Variants in C5AR1 observed in about 807,000 individuals in gnomAD.
C5AR1 encodes the protein complement C5a receptor 1, also known as C5a anaphylatoxin chemotactic receptor 1.
C5AR1 carries 4 observed loss-of-function variants against 2.4 expected under a neutral mutation model. That is an observed-to-expected ratio of 1.65 (90% CI 0.81 to 3.77). C5AR1 has a LOEUF of 3.77. C5AR1 is among the 30% of genes most tolerant of loss of function. The probability of loss-of-function intolerance (pLI) is 0.01; values close to 1 mark genes in which losing one functional copy is unlikely to be tolerated. For missense variants in C5AR1, 418 were observed against 462.5 expected (o/e 0.90, Z 0.88); for synonymous variants, 209 against 210.4 (o/e 0.99, Z 0.06).
Position 47,310,354 on chromosome 19 carries a change from T to TA in C5AR1, c.3+456_3+457insA, listed in dbSNP as rs113869483. ...AGTGAGACCCTGTCTGTATTTTTTTTTTTATTTAAAGAATTCCACAAGTGA... is the reference window on the plus strand; with the variant it reads ...AGTGAGACCCTGTCTGTATTTTTTTTATTTATTTAAAGAATTCCACAAGTGA... On this transcript the variant is annotated intron_variant, in intron 1 of 1. Transcript: ENST00000355085. Among the ~76,000 whole-genome samples, 448 of 152,238 alleles carry TA rather than the reference T, an allele frequency of 2.9e-3. 4 individuals are homozygous for TA. The highest frequency in any genetic ancestry group is 0.01 in the African/African-American group (417 of 41,546).
chr19:47,320,044 G>C lies in C5AR1; in HGVS notation c.267G>C (p.Leu89=). 6.2e-7 allele frequency: 1 copy of C among 1,614,184 alleles called. No homozygotes were observed. The highest frequency in any genetic ancestry group is 8.5e-7 in the Non-Finnish European group (1 of 1,180,048). Residue 89 remains leucine, a synonymous_variant, in exon 2 of 2, where the codon CTG becomes CTC. Coordinates refer to ENST00000355085, the MANE Select transcript of C5AR1 (RefSeq NM_001736.4). The surrounding 1 kb of genome is among the most constrained non-coding windows in gnomAD (Gnocchi z 4.9). ...AVADFLSCLA[L]PILFTSIVQH... ...CCGACTTCCTCTCCTGCCTGGCGCT[G>C]CCCATCTTGTTCACGTCCATTGTAC...
At chr19:47,307,939 G>A (rs1027837725), upstream of C5AR1, among the ~76,000 whole-genome samples, 8 of 151,978 alleles carry the variant, frequency 5.3e-5, no homozygotes, top group Non-Finnish European at 8.8e-5. Flanking sequence ...CCCAGGCCGG[G>A]CGCAGTGGCT....
chr19:47,319,737 A>T (rs779694046), intron 1 of C5AR1, 44 bp from the exon 2 acceptor site: 6 of 1,312,142 alleles, frequency 4.6e-6, no homozygotes, highest in African/African-American at 1.5e-5. Context: ...ACCCGGGCAC[A>T]TGTCTGCAGA....
At chr19:47,319,588 C>T (rs777700603) in intron 1 of C5AR1, among the ~76,000 whole-genome samples, 193 bp from the exon 2 acceptor site, 23 of 152,172 alleles carry the variant, frequency 1.5e-4, no homozygotes, top group African/African-American at 3.6e-4. Flanking sequence ...GGATGACAGG[C>T]GTGAGCTACG....
chr19:47,311,293 C>T (rs2059269597), intron 1 of C5AR1, among the ~76,000 whole-genome samples: 2 of 152,076 alleles, frequency 1.3e-5, no homozygotes, highest in South Asian at 4.1e-4. Context: ...GGGCGGATCA[C>T]AAGGTCAGGA....
intron 1 of C5AR1, among the ~76,000 whole-genome samples, chr19:47,310,432 G>A (rs1599728383): frequency 6.6e-6 from 1 of 152,296 alleles, no homozygotes; most frequent in Admixed American, 6.5e-5. Context: ...AAAATGTTGG[G>A]AGGCTGGAAA....
At chr19:47,315,486 G>A (rs746667819) in intron 1 of C5AR1, among the ~76,000 whole-genome samples, 1 of 152,182 alleles carries the variant, frequency 6.6e-6, no homozygotes, top group Admixed American at 6.6e-5. Context: ...CAGAGGGTGG[G>A]GAGGCTCCCC....
In C5AR1 at chr19:47,320,905, C is replaced by T. The variant is rs1053011798; in HGVS notation, c.*75C>T. 2.2e-6 allele frequency: 3 copies of T among 1,349,932 alleles called. No individual in the cohort carries two copies. The East Asian group carries it at 7.1e-5, about 32-fold the overall frequency. The allele number at this position is 1,349,932 out of a possible 1,614,324, so 83.6% of individuals were successfully genotyped here. A position where few individuals can be genotyped will look rare whatever the true frequency, so the allele number is the denominator to read the frequency against. On this transcript the variant is annotated 3_prime_UTR_variant, in exon 2 of 2. Coordinates refer to ENST00000355085, the MANE Select transcript of C5AR1 (RefSeq NM_001736.4). This position sits in a 1 kb window ranked among gnomAD's most constrained non-coding sequence, Gnocchi z 4.9. ...CATTCTCCCTCTTGTTTTCACTTCACTTTTCGTGGGATGGTGTTACCTTAG... is the reference window on the plus strand; with the variant it reads ...CATTCTCCCTCTTGTTTTCACTTCATTTTTCGTGGGATGGTGTTACCTTAG...
chr19:47,313,490 T>C (rs902990587), intron 1 of C5AR1, among the ~76,000 whole-genome samples: 5 of 150,494 alleles, frequency 3.3e-5, no homozygotes. Flanking sequence ...GGCTCATGCC[T>C]GTAATCCCAG....
At chr19:47,319,683 G>A in intron 1 of C5AR1, 98 bp from the exon 2 acceptor site, 1 of 752,014 alleles carries the variant, frequency 1.3e-6, no homozygotes, top group Non-Finnish European at 2.3e-6. Context: ...GTGAGAAAAA[G>A]CCACACAGGG....
At position 47,319,907 on chromosome 19, in the gene C5AR1, T is replaced by C. The variant is rs200740207; in HGVS notation, c.130T>C (p.Phe44Leu). Residue 44 changes from phenylalanine to leucine, a missense_variant, in exon 2 of 2, where the codon TTT becomes CTT. Phe to Leu is a conservative substitution (Grantham distance 22, BLOSUM62 0). Transcript: ENST00000355085. ...TCCAGACATCCTGGCCTTGGTCATC[T>C]TTGCAGTCGTCTTCCTGGTGGGAGT... ...RVPDILALVIFAVVFLVGVLG... is the reference protein window; with the variant it reads ...RVPDILALVILAVVFLVGVLG... 422 of 1,614,150 alleles carry C rather than the reference T, an allele frequency of 2.6e-4. 1 individual carries two copies. Among genetic ancestry groups the C allele is most frequent in the Non-Finnish European group, 3.4e-4 (405 of 1,180,064 alleles).
chr19:47,309,988 C>CG, intron 1 of C5AR1, 90 bp downstream of exon 1: 1 of 1,331,456 alleles, frequency 7.5e-7, no homozygotes, highest in South Asian at 1.2e-5. Context: ...CCCCAACTCT[C>CG]GCCGTCAACT....
chr19:47,309,039 T>A (rs1476926322), upstream of C5AR1, among the ~76,000 whole-genome samples: 1 of 152,092 alleles, frequency 6.6e-6, no homozygotes, highest in Non-Finnish European at 1.5e-5. Context: ...CCTCCCAAAG[T>A]GCTGGGATTA....
intron 1 of C5AR1, among the ~76,000 whole-genome samples, chr19:47,317,192 CA>C (rs1238972530): frequency 0.075 from 5,552 of 74,108 alleles, 146 homozygotes; most frequent in South Asian, 0.19. Flanking sequence ...GACCCCGTCT[CA>C]AAAAAAAAAA....
chr19:47,309,344 G>T (rs1439552182), upstream of C5AR1, among the ~76,000 whole-genome samples: 1 of 152,050 alleles, frequency 6.6e-6, no homozygotes, highest in Admixed American at 6.6e-5. Flanking sequence ...GGAGGTTGAG[G>T]TGGGTGATTG....
intron 1 of C5AR1, among the ~76,000 whole-genome samples, chr19:47,313,786 AG>A (rs1353562776): frequency 6.6e-6 from 1 of 151,072 alleles, no homozygotes; most frequent in African/African-American, 2.4e-5. Context: ...CTCAGCTCTC[AG>A]GAGTTTCTCT....
chr19:47,320,399 G>T lies in C5AR1; in HGVS notation c.622G>T (p.Val208Phe). ...RERAVAIVRL[V>F]LGFLWPLLTL... ...GCGAGCCGTGGCCATCGTCCGGCTGGTCCTGGGCTTCCTGTGGCCTCTACT... is the reference window on the plus strand; with the variant it reads ...GCGAGCCGTGGCCATCGTCCGGCTGTTCCTGGGCTTCCTGTGGCCTCTACT... The change falls in exon 2 of 2, where the codon GTC becomes TTC. Residue 208 changes from valine (V) to phenylalanine (F), a missense_variant. Transcript: ENST00000355085. The surrounding 1 kb of genome is among the most constrained non-coding windows in gnomAD (Gnocchi z 4.9). 6.2e-7 allele frequency: 1 copy of T among 1,610,504 alleles called. No individual in the cohort carries two copies. The highest frequency in any genetic ancestry group is 8.5e-7 in the Non-Finnish European group (1 of 1,179,920).
intron 1 of C5AR1, among the ~76,000 whole-genome samples, chr19:47,317,137 G>A (rs1474706165): frequency 2.0e-5 from 3 of 148,390 alleles, no homozygotes; most frequent in African/African-American, 7.5e-5. Context: ...GGGTGACAGT[G>A]ATCCATGATT....
chr19:47,308,589 T>G (rs1420771397), upstream of C5AR1, among the ~76,000 whole-genome samples: 1 of 151,444 alleles, frequency 6.6e-6, no homozygotes, highest in African/African-American at 2.4e-5. Context: ...AGTCTTGGTG[T>G]TGTCAGCCTG....
Sources: allele counts gnomAD v4.1 joint callset (sites outside exome capture counted in the v4.1 genomes callset), GRCh38; gene constraint gnomAD v4.1.1; non-coding constraint Gnocchi (gnomAD v3.1); transcripts MANE v1.5; gene names NCBI Gene and HGNC (gene_info 2026-07-23, HGNC 2026-07-21).